XDH: variants seen among roughly 807,000 people sequenced by gnomAD.
XDH encodes the protein xanthine dehydrogenase, also known as xanthine dehydrogenase/oxidase.
A neutral mutation model predicts 156.1 loss-of-function variants in XDH; 138 were observed. The ratio of observed to expected loss-of-function variants is 0.88; its 90% confidence interval spans 0.77 to 1.02. XDH has a LOEUF of 1.02. XDH is among the 50% of genes least tolerant of loss of function. The pLI is 0.00. For synonymous variants in XDH, 669 were observed against 625.7 expected (o/e 1.07, Z -1.03); for missense variants, 1,849 against 1,684.9 (o/e 1.10, Z -1.71).
chr2:31,343,309 T>TGC lies in XDH; in HGVS notation c.3405-1013_3405-1012insGC, dbSNP rs1558675281. ...CCATATATATATATATATATATATA[T>TGC]ATATATATATATATATATGCATGTT... On this transcript the variant is annotated intron_variant, in intron 31 of 35. Coordinates refer to ENST00000379416, the MANE Select transcript of XDH (RefSeq NM_000379.4). Among the ~76,000 whole-genome samples the TGC allele has an allele frequency of 3.3e-4, 34 of 102,320 alleles. No homozygotes were observed. The East Asian group carries it at 7.2e-3, about 22-fold the overall frequency. 67.1% of individuals were successfully genotyped at this position (102,320 alleles called of 152,430 possible).
At chr2:31,395,448 C>A (rs1421403908) in intron 6 of XDH, among the ~76,000 whole-genome samples, 2 of 152,112 alleles carry the variant, frequency 1.3e-5, no homozygotes, top group Middle Eastern at 3.2e-3. Flanking sequence ...TGAGGACAGG[C>A]CTTTTTAAGA....
At chr2:31,355,861 T>C (rs1379676760) in intron 24 of XDH, among the ~76,000 whole-genome samples, 1 of 152,148 alleles carries the variant, frequency 6.6e-6, no homozygotes, top group African/African-American at 2.4e-5. Flanking sequence ...CCCAATTACA[T>C]ACTGTCTTCA....
chr2:31,353,496 GA>G (rs796294214), intron 24 of XDH, among the ~76,000 whole-genome samples: 20 of 150,746 alleles, frequency 1.3e-4, no homozygotes, highest in African/African-American at 3.2e-4. Context: ...AAAAGTGGAG[GA>G]AAAAAAAAGG....
At chr2:31,362,747 G>T (rs778436104) in intron 24 of XDH, among the ~76,000 whole-genome samples, 2 of 152,152 alleles carry the variant, frequency 1.3e-5, no homozygotes, top group African/African-American at 4.8e-5. Flanking sequence ...CTGCCGGGCC[G>T]CCTCCGCCCA....
chr2:31,407,679 A>C (rs1687230027), intron 1 of XDH, among the ~76,000 whole-genome samples: 1 of 152,210 alleles, frequency 6.6e-6, no homozygotes, highest in African/African-American at 2.4e-5. Flanking sequence ...TACCAATTAA[A>C]GGAGAGCTTT....
At chr2:31,371,849 C>T (rs1344149278) in intron 17 of XDH, among the ~76,000 whole-genome samples, 1 of 152,130 alleles carries the variant, frequency 6.6e-6, no homozygotes, top group Non-Finnish European at 1.5e-5. Flanking sequence ...AAGGGCTTTT[C>T]CTAGCTGATC....
intron 24 of XDH, among the ~76,000 whole-genome samples, chr2:31,359,959 G>A (rs763016612): frequency 6.6e-6 from 1 of 152,188 alleles, no homozygotes; most frequent in African/African-American, 2.4e-5. Flanking sequence ...AGAGAAAATG[G>A]TAAGTGGAAA....
At chr2:31,399,341 G>A (rs954875205) in intron 4 of XDH, among the ~76,000 whole-genome samples, 1 of 152,154 alleles carries the variant, frequency 6.6e-6, no homozygotes, top group Non-Finnish European at 1.5e-5. Context: ...AGGGGCCCAG[G>A]TCAGGGCTCA....
At position 31,405,938 on chromosome 2, in the gene XDH, C is replaced by T. The variant is rs565186862; in HGVS notation, c.69G>A (p.Glu23=). 1 of 1,614,160 alleles carries T rather than the reference C, an allele frequency of 6.2e-7. No individual in the cohort carries two copies. The highest frequency in any genetic ancestry group is 1.7e-5 in the Admixed American group (1 of 60,018). The change falls in exon 2 of 36, where the codon GAG becomes GAA. Residue 23 remains glutamate (E), a synonymous_variant. Transcript: ENST00000379416. ...TTCTCAGGTAGGCCAAAAGGGTTGT[C>T]TCTGGATCTGCATTTTTCTCCACCA... The part of the protein sequence containing the change: ...RKVVEKNADP[E]TTLLAYLRRK...
chr2:31,368,817 T>C (rs946326734), intron 18 of XDH, among the ~76,000 whole-genome samples, 157 bp from the exon 19 acceptor site: 17 of 152,198 alleles, frequency 1.1e-4, no homozygotes, highest in African/African-American at 3.9e-4. Flanking sequence ...ATCCTACTGA[T>C]TGAGGATCAC....
At chr2:31,369,922 T>G (rs796877321) in intron 18 of XDH, among the ~76,000 whole-genome samples, 6 of 152,334 alleles carry the variant, frequency 3.9e-5, no homozygotes, top group African/African-American at 1.4e-4. Flanking sequence ...TTGAAAAATT[T>G]TGTTTGTTGT....
Position 31,337,692 on chromosome 2 carries a change from A to G in XDH, c.3900T>C (p.Pro1300=). The G allele has an allele frequency of 6.2e-7, 1 of 1,614,226 alleles. No homozygotes were observed. Among genetic ancestry groups the G allele is most frequent in the Non-Finnish European group, 8.5e-7 (1 of 1,180,042 alleles). The part of the protein sequence containing the change: ...NVKELFRLDS[P]ATPEKIRNAC... Reference sequence around the variant, plus strand: ...CATTGCGGATCTTCTCCGGGGTGGCAGGGCTGTCTAGCCGGAAGAGTTCCT... The same window carrying G: ...CATTGCGGATCTTCTCCGGGGTGGCGGGGCTGTCTAGCCGGAAGAGTTCCT... Residue 1300 remains proline (P), a synonymous_variant, in exon 35 of 36, where the codon CCT becomes CCC. Coordinates refer to ENST00000379416, the MANE Select transcript of XDH (RefSeq NM_000379.4).
At chr2:31,402,163 A>T (rs1447270476) in intron 3 of XDH, among the ~76,000 whole-genome samples, 4 of 151,960 alleles carry the variant, frequency 2.6e-5, no homozygotes, top group African/African-American at 9.7e-5. Flanking sequence ...TCTTTATATT[A>T]AAAAAAAGCC....
rs1257102529 is a variant in XDH at position 31,377,098 on chromosome 2, T to C, written c.1382A>G (p.Asn461Ser). The C allele has an allele frequency of 6.2e-7, 1 of 1,614,162 alleles. No homozygotes were observed. Among genetic ancestry groups the C allele is most frequent in the Middle Eastern group, 1.6e-4 (1 of 6,062 alleles). ...ELALCYGGMA[N>S]RTISALKTTQ... Reference sequence around the variant, plus strand: ...GGTCTTGAGGGCTGAGATGGTTCTGTTGGCCATTCCACCATAGCAAAGGGC... The same window carrying C: ...GGTCTTGAGGGCTGAGATGGTTCTGCTGGCCATTCCACCATAGCAAAGGGC... The change falls in exon 14 of 36, where the codon AAC (asparagine) becomes AGC (serine). Residue 461 changes from asparagine to serine, a missense_variant. Transcript: ENST00000379416.
At chr2:31,341,783 C>T (rs1056390498) in intron 32 of XDH, among the ~76,000 whole-genome samples, 6 of 152,062 alleles carry the variant, frequency 3.9e-5, no homozygotes, top group African/African-American at 1.2e-4. Context: ...CCCCTGTTTT[C>T]GTGGGGCCTG....
At position 31,373,958 on chromosome 2, in the gene XDH, T is replaced by C. The variant is rs1686152707; in HGVS notation, c.1603-2A>G. On this transcript the variant is annotated splice_acceptor_variant, in intron 15 of 35. Transcript: ENST00000379416. LOFTEE classifies it high-confidence loss of function. ...AGTGGGGTCCAGTTTACCACACTTC[T>C]GTGGAGACAAGAAAACAGAGGTGAC... 6.2e-7 allele frequency: 1 copy of C among 1,613,112 alleles called. No individual in the cohort carries two copies. The highest frequency in any genetic ancestry group is 1.3e-5 in the African/African-American group (1 of 74,930).
In XDH at chr2:31,375,555, C is replaced by G; in HGVS notation, c.1428-1G>C. 3 of 1,613,140 alleles carry G rather than the reference C, an allele frequency of 1.9e-6. No individual in the cohort carries two copies. The African/African-American group carries it at 4.0e-5, about 22-fold the overall frequency. The stretch of plus-strand genomic sequence containing the variant: ...CTGCAGCAGCTCCTCCTTCCAGAGC[C>G]TGCCAGAGAGCAGGGCGTGGGACAG... On this transcript the variant is annotated splice_acceptor_variant, in intron 14 of 35. Transcript: ENST00000379416. LOFTEE classifies it high-confidence loss of function.
chr2:31,356,382 T>C (rs1321446396), intron 24 of XDH, among the ~76,000 whole-genome samples: 2 of 152,194 alleles, frequency 1.3e-5, no homozygotes, highest in Non-Finnish European at 1.5e-5. Flanking sequence ...TGGCAAAATA[T>C]GTGATAAAGT....
intron 29 of XDH, 123 bp downstream of exon 29, chr2:31,347,399 C>G: frequency 1.4e-6 from 2 of 1,442,426 alleles, no homozygotes. Context: ...GATAAGGGAG[C>G]CAGAGGCCTG....
Sources: gnomAD v4.1 joint callset for allele counts (sites outside exome capture counted in the v4.1 genomes callset) on GRCh38, gnomAD v4.1.1 for gene constraint, MANE v1.5 for transcripts, NCBI Gene and HGNC (gene_info 2026-07-23, HGNC 2026-07-21) for gene names.